Variants in EVI5 observed in about 807,000 individuals in gnomAD.
EVI5 encodes ecotropic viral integration site 5 protein homolog.
A neutral mutation model predicts 112.0 loss-of-function variants in EVI5; 73 were observed. The ratio of observed to expected loss-of-function variants is 0.65; its 90% CI spans 0.54 to 0.79. The LOEUF is 0.79. Among genes scored for constraint, EVI5 ranks in the 30% least tolerant of loss-of-function variants. The probability of loss-of-function intolerance (pLI) is 0.00; values close to 1 mark genes in which losing one functional copy is unlikely to be tolerated. For missense variants in EVI5, 900 were observed against 968.8 expected (o/e 0.93, Z 0.94); for synonymous variants, 305 against 319.9 (o/e 0.95, Z 0.50).
At chr1:92,779,479 G>A (rs893522994) in intron 1 of EVI5, among the ~76,000 whole-genome samples, 2 of 151,474 alleles carry the variant, frequency 1.3e-5, no homozygotes, top group African/African-American at 4.9e-5. Context: ...CCGAGATCAC[G>A]CCACTGCACT....
At chr1:92,624,561 C>T (rs947454946) in intron 15 of EVI5, among the ~76,000 whole-genome samples, 7 of 151,468 alleles carry the variant, frequency 4.6e-5, no homozygotes, top group Admixed American at 2.0e-4. Context: ...AATTTATTGG[C>T]CAGGCGCAGT....
chr1:92,682,610 A>C (rs185891998), intron 9 of EVI5, among the ~76,000 whole-genome samples: 1 of 152,086 alleles, frequency 6.6e-6, no homozygotes, highest in South Asian at 2.1e-4. Context: ...AAAAATTTTT[A>C]AAAAATTAGC....
intron 3 of EVI5, among the ~76,000 whole-genome samples, chr1:92,704,259 A>G (rs1671644866): frequency 6.6e-6 from 1 of 152,204 alleles, no homozygotes; most frequent in Non-Finnish European, 1.5e-5. Context: ...GGTTATAGTG[A>G]GCTATGACTG....
intron 19 of EVI5, among the ~76,000 whole-genome samples, chr1:92,517,293 A>AGGTG (rs1660072487): frequency 6.6e-6 from 1 of 152,206 alleles, no homozygotes; most frequent in Admixed American, 6.5e-5. Flanking sequence ...TCTAGAGATG[A>AGGTG]CTCAAAGTAT....
In EVI5 at chr1:92,769,709, C is replaced by T. The variant is rs1481488615; in HGVS notation, c.-82+15127G>A. ...CATCCTGGGTAACATGGTGAAACCT[C>T]GTCTCTACTAAAAAAAATATATAAA... is the stretch of plus-strand genomic sequence containing the variant. On this transcript the variant is annotated intron_variant, in intron 1 of 19. Transcript: ENST00000684568. Among the ~76,000 whole-genome samples, 3 of 152,008 alleles carry T rather than the reference C, an allele frequency of 2.0e-5. No individual in the cohort carries two copies. The East Asian group carries it at 5.8e-4, about 29-fold the overall frequency.
chr1:92,712,274 A>G (rs1441507413), intron 2 of EVI5, among the ~76,000 whole-genome samples: 1 of 152,244 alleles, frequency 6.6e-6, no homozygotes, highest in East Asian at 1.9e-4. Flanking sequence ...AGGACAGGAA[A>G]CAACTCAGAG....
chr1:92,621,073 C>A (rs1396010343), intron 16 of EVI5, among the ~76,000 whole-genome samples: 3 of 150,986 alleles, frequency 2.0e-5, no homozygotes, highest in East Asian at 1.9e-4. Context: ...CCTGGAACAA[C>A]CACTAAAAAA....
At chr1:92,532,361 T>C (rs933296521) in intron 19 of EVI5, among the ~76,000 whole-genome samples, 1 of 152,132 alleles carries the variant, frequency 6.6e-6, no homozygotes, top group Admixed American at 6.5e-5. Context: ...CCACTGTCAA[T>C]ATTAGACAGA....
chr1:92,591,184 G>A (rs1332067214), intron 18 of EVI5, among the ~76,000 whole-genome samples: 1 of 152,138 alleles, frequency 6.6e-6, no homozygotes, highest in Non-Finnish European at 1.5e-5. Flanking sequence ...GACCATCAAG[G>A]CTAGGAAGAA....
chr1:92,754,642 C>A (rs964430951), intron 1 of EVI5, among the ~76,000 whole-genome samples: 2 of 152,180 alleles, frequency 1.3e-5, no homozygotes, highest in African/African-American at 4.8e-5. Flanking sequence ...CAGTTTCTCA[C>A]CATGTGGACC....
At chr1:92,594,709 C>G (rs1346247495) in intron 18 of EVI5, among the ~76,000 whole-genome samples, 3 of 151,490 alleles carry the variant, frequency 2.0e-5, no homozygotes, top group Non-Finnish European at 4.4e-5. Context: ...TGAACTCAAA[C>G]AAAGTTACAA....
At chr1:92,604,342 G>A (rs1476724396) in intron 18 of EVI5, among the ~76,000 whole-genome samples, 1 of 147,794 alleles carries the variant, frequency 6.8e-6, no homozygotes, top group Non-Finnish European at 1.5e-5. Flanking sequence ...GCAACAGAGT[G>A]AGATCCTGCC....
intron 18 of EVI5, among the ~76,000 whole-genome samples, chr1:92,590,531 T>C (rs1002620450): frequency 2.6e-4 from 40 of 151,988 alleles, no homozygotes; most frequent in African/African-American, 7.7e-4. Context: ...GAATATCAAA[T>C]GAATGAAATG....
intron 16 of EVI5, chr1:92,622,254 A>G: frequency 2.4e-6 from 1 of 412,408 alleles, no homozygotes; most frequent in Non-Finnish European, 4.8e-6. Flanking sequence ...ACTGTACCTC[A>G]GTAGAAGTGG....
chr1:92,789,412 C>G (rs1685920793), upstream of EVI5, among the ~76,000 whole-genome samples: 1 of 152,008 alleles, frequency 6.6e-6, no homozygotes, highest in Non-Finnish European at 1.5e-5. Context: ...ACGCCATTCT[C>G]CTGCCTCAGC....
intron 16 of EVI5, among the ~76,000 whole-genome samples, chr1:92,613,594 AT>A (rs756291472): frequency 6.6e-6 from 1 of 150,940 alleles, no homozygotes; most frequent in African/African-American, 2.4e-5. Flanking sequence ...CCAGCCATTT[AT>A]TTTTTTTTAA....
rs556531712 is a variant in EVI5, at chr1:92,702,728, C to A, written c.565-513G>T. On this transcript the variant is annotated intron_variant, in intron 4 of 19. Coordinates refer to ENST00000684568, the MANE Select transcript of EVI5 (RefSeq NM_001350197.2). ...GGCTGAGGCAGGAGAATTGCTTGAA[C>A]CTGGGAGGTGGAGGTTGCAGTGAGC... Among the ~76,000 whole-genome samples, 296 of 151,234 alleles carry A rather than the reference C, an allele frequency of 2.0e-3. 1 individual carries two copies. The highest frequency in any genetic ancestry group is 3.9e-3 in the Non-Finnish European group (267 of 67,858).
rs149785297 is a variant in EVI5 at position 92,575,929 on chromosome 1, T to C, written c.2071-12192A>G. Reference sequence around the variant, plus strand: ...TTTTGGAAGAGTCCAAGTCTGTAGATTGTATATTATCTAAGCTGAAACAGA... The same window carrying C: ...TTTTGGAAGAGTCCAAGTCTGTAGACTGTATATTATCTAAGCTGAAACAGA... On this transcript the variant is annotated intron_variant, in intron 18 of 19. Coordinates refer to ENST00000684568, the MANE Select transcript of EVI5 (RefSeq NM_001350197.2). 6.8e-3 allele frequency among the ~76,000 whole-genome samples: 1,035 copies of C among 152,278 alleles called. 10 individuals carry two copies. Among genetic ancestry groups the C allele is most frequent in the African/African-American group, 0.023 (945 of 41,544 alleles).
intron 1 of EVI5, among the ~76,000 whole-genome samples, chr1:92,777,500 G>A (rs1014391152): frequency 1.3e-5 from 2 of 152,004 alleles, no homozygotes; most frequent in Non-Finnish European, 2.9e-5. Flanking sequence ...TAAGATCCTG[G>A]GACAACGAGT....
Sources: allele counts gnomAD v4.1 joint callset (sites outside exome capture counted in the v4.1 genomes callset), GRCh38; gene constraint gnomAD v4.1.1; transcripts MANE v1.5; gene names NCBI Gene and HGNC (gene_info 2026-07-23, HGNC 2026-07-21).